The following INPP5A variants were observed in gnomAD, a reference collection of about 807,000 sequenced individuals.
INPP5A encodes the protein 43 kDa inositol polyphosphate 5-phophatase.
Under a neutral mutation model 65.2 loss-of-function variants are expected in INPP5A, and 14 were observed. That is an observed-to-expected ratio of 0.21 (90% CI 0.14 to 0.34). INPP5A has a LOEUF of 0.34. INPP5A is among the 10% of genes least tolerant of loss of function. The pLI, the probability that INPP5A is intolerant of heterozygous loss-of-function variation, is 1.00. For synonymous variants in INPP5A, 207 were observed against 208.3 expected, an observed-to-expected ratio of 0.99 and a Z score of 0.05; for missense variants, 431 against 545.6, an observed-to-expected ratio of 0.79 and a Z score of 2.09.
chr10:132,670,646 C>T (rs918425222), intron 4 of INPP5A, among the ~76,000 whole-genome samples: 6 of 151,782 alleles, frequency 4.0e-5, no homozygotes, highest in South Asian at 2.1e-4. Context: ...CCTGCCTGCG[C>T]GCATCCCTGT....
intron 12 of INPP5A, among the ~76,000 whole-genome samples, chr10:132,771,404 C>T (rs376003239): frequency 5.9e-5 from 9 of 152,366 alleles, no homozygotes; most frequent in East Asian, 3.9e-4. Context: ...GTTCCCACGC[C>T]GGCGCCGGCA....
intron 2 of INPP5A, among the ~76,000 whole-genome samples, chr10:132,639,084 AT>A (rs1305468354): frequency 6.6e-6 from 1 of 152,160 alleles, no homozygotes; most frequent in African/African-American, 2.4e-5. Context: ...AGAAGAAAAA[AT>A]ATAATCTTTT....
At chr10:132,720,795 C>G (rs1376016258) in intron 8 of INPP5A, among the ~76,000 whole-genome samples, 6 of 144,868 alleles carry the variant, frequency 4.1e-5, no homozygotes, top group South Asian at 2.3e-4. Context: ...TCTGTCTGGG[C>G]GCCTTAGATG....
In INPP5A at chr10:132,538,262, G is replaced by C. The variant is rs1431550575; in HGVS notation, c.75+91G>C. The C allele has an allele frequency of 1.4e-6, 1 of 705,378 alleles. No homozygotes were observed. Among genetic ancestry groups the C allele is most frequent in the East Asian group, 4.1e-5 (1 of 24,292 alleles). The allele number at this position is 705,378 out of a possible 1,614,324, so 43.7% of individuals were successfully genotyped here. A position where few individuals can be genotyped will look rare whatever the true frequency, so the allele number is the denominator to read the frequency against. ...AACTGCAAGCCTTGGACCCTGGACC[G>C]TGAACCTCCAGACCCAGAGGCCCCA... On this transcript the variant is annotated intron_variant, in intron 1 of 15. Coordinates refer to ENST00000368594, the MANE Select transcript of INPP5A (RefSeq NM_005539.5). This position sits in a 1 kb window ranked among gnomAD's most constrained non-coding sequence, Gnocchi z 4.1.
chr10:132,737,121 T>C (rs944484697), intron 9 of INPP5A, among the ~76,000 whole-genome samples: 1 of 152,256 alleles, frequency 6.6e-6, no homozygotes, highest in Non-Finnish European at 1.5e-5. Flanking sequence ...AGTCTGACGA[T>C]GTTCCTGCAT....
Position 132,700,225 on chromosome 10 carries a change from G to A in INPP5A, c.474+2306G>A, listed in dbSNP as rs558134946. Among the ~76,000 whole-genome samples the A allele has an allele frequency of 1.1e-3, 163 of 152,384 alleles. 2 individuals carry two copies. The highest frequency in any genetic ancestry group is 3.8e-3 in the African/African-American group (159 of 41,592). ...GATTCCTGGGAGGAAAAGGCACCGA[G>A]CCTCTTTGTGTGGACCCGTCTCTCC... On this transcript the variant is annotated intron_variant, in intron 6 of 15. Coordinates refer to ENST00000368594, the MANE Select transcript of INPP5A (RefSeq NM_005539.5).
chr10:132,782,072 G>C lies in INPP5A; in HGVS notation c.*43G>C, dbSNP rs183440277. On this transcript the variant is annotated 3_prime_UTR_variant, in exon 16 of 16. Transcript: ENST00000368594. This position sits in a 1 kb window ranked among gnomAD's most constrained non-coding sequence, Gnocchi z 4.4. Reference sequence around the variant, plus strand: ...CCAGCGCCACGAGAGGACACTTCGTGAGCCTCCCTGTAGCCGTGGACCGAA... The same window carrying C: ...CCAGCGCCACGAGAGGACACTTCGTCAGCCTCCCTGTAGCCGTGGACCGAA... The C allele has an allele frequency of 2.8e-4, 429 of 1,553,680 alleles. 1 individual carries two copies. The African/African-American group carries it at 5.0e-3, about 18-fold the overall frequency.
In INPP5A at chr10:132,626,278, C is replaced by T. The variant is rs541191029; in HGVS notation, c.117+18322C>T. 3.3e-5 allele frequency among the ~76,000 whole-genome samples: 5 copies of T among 152,346 alleles called. No individual in the cohort carries two copies. In the South Asian group the frequency reaches 1.0e-3, roughly 32 times the overall value. On this transcript the variant is annotated intron_variant, in intron 2 of 15. Transcript: ENST00000368594. ...GTGACACCTGGGCTATATCCAGGTTCGCCTGGTTAAACAAAGCTGCCGTGC... is the reference window on the plus strand; with the variant it reads ...GTGACACCTGGGCTATATCCAGGTTTGCCTGGTTAAACAAAGCTGCCGTGC...
chr10:132,757,847 C>A (rs1185831331), intron 11 of INPP5A, among the ~76,000 whole-genome samples: 1 of 147,818 alleles, frequency 6.8e-6, no homozygotes, highest in African/African-American at 2.5e-5. Flanking sequence ...TGTCGTGGGT[C>A]CCTGGCTGAC....
rs1590934580 is a variant in INPP5A, at chr10:132,699,372, C to T, written c.474+1453C>T. ...GCGTGGGTGCTGGGGTGGGGGGGGG[C>T]TGGGCTGGGCAGGGCCAGGCGCTGC... On this transcript the variant is annotated intron_variant, in intron 6 of 15. Transcript: ENST00000368594. Among the ~76,000 whole-genome samples, 6 of 45,244 alleles carry T rather than the reference C, an allele frequency of 1.3e-4. No individual in the cohort carries two copies. The South Asian group carries it at 4.6e-3, about 35-fold the overall frequency. 29.7% of individuals were successfully genotyped at this position (45,244 alleles called of 152,430 possible).
chr10:132,610,242 G>A (rs188880396), intron 2 of INPP5A, among the ~76,000 whole-genome samples: 1 of 152,216 alleles, frequency 6.6e-6, no homozygotes, highest in Non-Finnish European at 1.5e-5. Flanking sequence ...CGGAAAGGTC[G>A]ATGTGGAGGA....
chr10:132,566,843 A>G (rs2071280431), intron 1 of INPP5A, among the ~76,000 whole-genome samples: 1 of 152,256 alleles, frequency 6.6e-6, no homozygotes, highest in Non-Finnish European at 1.5e-5. Flanking sequence ...TAACAATTTA[A>G]CAAGAGAAAG....
At position 132,726,921 on chromosome 10, in the gene INPP5A, C is replaced by T. The variant is rs1845996072; in HGVS notation, c.732+16C>T. On this transcript the variant is annotated intron_variant, in intron 9 of 15. Transcript: ENST00000368594. The stretch of plus-strand genomic sequence containing the variant: ...CGTCGTGGAGGTAGGCGCTGGCTTC[C>T]CTCCCGCCCTGGTCTCATGCCTTGC... 1.3e-6 allele frequency: 2 copies of T among 1,581,634 alleles called. No homozygotes were observed. Among genetic ancestry groups the T allele is most frequent in the South Asian group, 1.1e-5 (1 of 89,556 alleles).
intron 1 of INPP5A, among the ~76,000 whole-genome samples, chr10:132,596,942 T>TGCATGTGCGCGCGCATGTGC (rs1564929040): frequency 3.2e-5 from 1 of 30,778 alleles, no homozygotes; most frequent in African/African-American, 1.1e-4. Flanking sequence ...CACGCATGTG[T>TGCATGTGCGCGCGCATGTGC]GCGTGTGTGC....
In INPP5A at chr10:132,650,608, C is replaced by T. The variant is rs2072562469; in HGVS notation, c.306+103C>T. The stretch of plus-strand genomic sequence containing the variant: ...GGAGAGAGGTCGGGGTGCTCCCTGC[C>T]TGAAGCCTCACTCACGCTGCCCTGC... On this transcript the variant is annotated intron_variant, in intron 4 of 15. Coordinates refer to ENST00000368594, the MANE Select transcript of INPP5A (RefSeq NM_005539.5). The surrounding 1 kb of genome is among the most constrained non-coding windows in gnomAD (Gnocchi z 5.5). 1.2e-6 allele frequency: 1 copy of T among 814,852 alleles called. No homozygotes were observed. Among genetic ancestry groups the T allele is most frequent in the Non-Finnish European group, 2.1e-6 (1 of 482,820 alleles). 50.5% of individuals were successfully genotyped at this position (814,852 alleles called of 1,614,324 possible).
intron 1 of INPP5A, among the ~76,000 whole-genome samples, chr10:132,544,526 C>T (rs182639714): frequency 1.7e-3 from 266 of 152,102 alleles, no homozygotes; most frequent in African/African-American, 4.8e-3. Context: ...GGCTCATAAG[C>T]GGCAGGATCG....
At chr10:132,548,667 G>A (rs772045006) in intron 1 of INPP5A, among the ~76,000 whole-genome samples, 62 of 152,150 alleles carry the variant, frequency 4.1e-4, no homozygotes, top group Admixed American at 6.5e-4. Flanking sequence ...TTTCGCCTGC[G>A]CCGAGGGCAC....
At position 132,771,136 on chromosome 10, in the gene INPP5A, C is replaced by T. The variant is rs545053737; in HGVS notation, c.977+5290C>T. 2.1e-3 allele frequency among the ~76,000 whole-genome samples: 319 copies of T among 152,284 alleles called. 1 individual carries two copies. The highest frequency in any genetic ancestry group is 6.9e-3 in the African/African-American group (288 of 41,562). ...TGGCAAAATATGGTGTCCGTGAAAA[C>T]GAGCAGCTGCTTTAGCTGACGACTC... is the stretch of plus-strand genomic sequence containing the variant. On this transcript the variant is annotated intron_variant, in intron 12 of 15. Coordinates refer to ENST00000368594, the MANE Select transcript of INPP5A (RefSeq NM_005539.5).
At chr10:132,643,608 G>A (rs2072455206) in intron 2 of INPP5A, among the ~76,000 whole-genome samples, 1 of 152,230 alleles carries the variant, frequency 6.6e-6, no homozygotes, top group Non-Finnish European at 1.5e-5. Flanking sequence ...TAGCAGGAAT[G>A]GTGAAGGGAC....
Sources: allele counts gnomAD v4.1 joint callset (sites outside exome capture counted in the v4.1 genomes callset), GRCh38; gene constraint gnomAD v4.1.1; non-coding constraint Gnocchi (gnomAD v3.1); transcripts MANE v1.5; gene names NCBI Gene and HGNC (gene_info 2026-07-23, HGNC 2026-07-21).